ZMPSTE24: variants seen among roughly 807,000 people sequenced by gnomAD.
ZMPSTE24 encodes the protein zinc metallopeptidase STE24, also known as CAAX prenyl protease 1 homolog.
ZMPSTE24 carries 48 observed loss-of-function variants against 56.7 expected under a neutral mutation model. That is an observed-to-expected ratio of 0.85 (90% CI 0.67 to 1.08). The LOEUF (loss-of-function observed/expected upper bound fraction) is 1.08, where lower values mean the gene tolerates loss of function less well. ZMPSTE24 is among the 50% of genes least tolerant of loss of function. ZMPSTE24 has a pLI of 0.00. For missense variants in ZMPSTE24, 503 were observed against 548.7 expected, an observed-to-expected ratio of 0.92 and a Z score of 0.83; for synonymous variants, 172 against 195.2, an observed-to-expected ratio of 0.88 and a Z score of 0.99.
rs537192537 is a variant in ZMPSTE24, at chr1:40,292,429, T to C, written c.1204-16T>C. 3.1e-6 allele frequency: 5 copies of C among 1,612,322 alleles called. No homozygotes were observed. In the African/African-American group the frequency reaches 6.7e-5, roughly 21 times the overall value. On this transcript the variant is annotated splice_polypyrimidine_tract_variant and intron_variant, in intron 9 of 9. Transcript: ENST00000372759. ...GAGGTGGGCAGTGGCTAAAACCCTT[T>C]CATTTTCTTTTTCAGGTTCTTTCTT...
At chr1:40,279,554 C>T (rs908910111) in intron 6 of ZMPSTE24, among the ~76,000 whole-genome samples, 8 of 152,140 alleles carry the variant, frequency 5.3e-5, no homozygotes, top group South Asian at 2.1e-4. Context: ...GTTGTGAAAA[C>T]GTTTTCTCTT....
chr1:40,277,234 C>T (rs1240327292), intron 6 of ZMPSTE24, among the ~76,000 whole-genome samples: 8 of 151,876 alleles, frequency 5.3e-5, no homozygotes, highest in African/African-American at 7.3e-5. Flanking sequence ...TACAGGCGCC[C>T]GCCAGCACAC....
intron 9 of ZMPSTE24, 27 bp from the exon 10 acceptor site, chr1:40,292,418 C>T: frequency 6.2e-7 from 1 of 1,609,366 alleles, no homozygotes; most frequent in South Asian, 1.1e-5. Flanking sequence ...TGGGCAGTGG[C>T]TAAAACCCTT....
Position 40,260,838 on chromosome 1 carries a change from G to A in ZMPSTE24, c.124-1G>A. Reference sequence around the variant, plus strand: ...AAAGTGTTTTCTTTAAAATATTTCAGAGAAGGATATATAAAACAACAACTC... The same window carrying A: ...AAAGTGTTTTCTTTAAAATATTTCAAAGAAGGATATATAAAACAACAACTC... On this transcript the variant is annotated splice_acceptor_variant, in intron 1 of 9. Coordinates refer to ENST00000372759, the MANE Select transcript of ZMPSTE24 (RefSeq NM_005857.5). LOFTEE classifies it high-confidence loss of function. 1 of 1,613,092 alleles carries A rather than the reference G, an allele frequency of 6.2e-7. No homozygotes were observed. The highest frequency in any genetic ancestry group is 8.5e-7 in the Non-Finnish European group (1 of 1,179,314).
In ZMPSTE24 at chr1:40,267,735, G is replaced by T. The variant is rs753071041; in HGVS notation, c.271-51G>T. 2.3e-6 allele frequency: 3 copies of T among 1,331,146 alleles called. No homozygotes were observed. The African/African-American group carries it at 4.3e-5, about 19-fold the overall frequency. 82.5% of individuals were successfully genotyped at this position (1,331,146 alleles called of 1,614,324 possible). A position where few individuals can be genotyped will look rare whatever the true frequency, so the allele number is the denominator to read the frequency against. On this transcript the variant is annotated intron_variant, in intron 2 of 9. Transcript: ENST00000372759. ...TTCTTTATACCATGCTTTCTCATAT[G>T]ATAGTTTCTAGTACTGTTCAACTGT...
chr1:40,289,445 A>G (rs938741720), intron 8 of ZMPSTE24, among the ~76,000 whole-genome samples: 1 of 152,240 alleles, frequency 6.6e-6, no homozygotes, highest in African/African-American at 2.4e-5. Flanking sequence ...TGCATAGATT[A>G]TAAGTGTAGG....
At chr1:40,269,170 G>A (rs1283944655) in intron 4 of ZMPSTE24, among the ~76,000 whole-genome samples, 1 of 152,054 alleles carries the variant, frequency 6.6e-6, no homozygotes, top group Non-Finnish European at 1.5e-5. Context: ...GCTAAGGCGG[G>A]AGGATCACTT....
chr1:40,268,830 C>G (rs1643582744), intron 4 of ZMPSTE24, among the ~76,000 whole-genome samples: 1 of 151,978 alleles, frequency 6.6e-6, no homozygotes, highest in Non-Finnish European at 1.5e-5. Context: ...GTAATCCCAG[C>G]ACTTTGGGAG....
chr1:40,281,223 C>T, intron 6 of ZMPSTE24, 120 bp from the exon 7 acceptor site: 1 of 1,007,916 alleles, frequency 9.9e-7, no homozygotes, highest in Non-Finnish European at 1.5e-6. Context: ...GATTTTTCTT[C>T]ACATATTAAA....
intron 6 of ZMPSTE24, among the ~76,000 whole-genome samples, chr1:40,276,271 C>T (rs1174867400): frequency 6.6e-6 from 1 of 152,108 alleles, no homozygotes; most frequent in Non-Finnish European, 1.5e-5. Flanking sequence ...GCGAGGTCAG[C>T]GCTAAAAATA....
At chr1:40,291,863 T>TG (rs1213730153) in intron 9 of ZMPSTE24, among the ~76,000 whole-genome samples, 1 of 147,480 alleles carries the variant, frequency 6.8e-6, no homozygotes, top group African/African-American at 2.5e-5. Flanking sequence ...TTTTTTAAGA[T>TG]GGAGTCTCGC....
chr1:40,269,073 C>CAAAAAAAAAAAAA (rs60201234), intron 4 of ZMPSTE24, among the ~76,000 whole-genome samples: 24 of 46,106 alleles, frequency 5.2e-4, no homozygotes, highest in South Asian at 2.7e-3. Context: ...GACTCCGTCT[C>CAAAAAAAAAAAAA]AAAAAAAAAA....
intron 3 of ZMPSTE24, 141 bp from the exon 4 acceptor site, chr1:40,268,278 G>A (rs1643576619): frequency 1.4e-6 from 1 of 699,646 alleles, no homozygotes; most frequent in Admixed American, 2.3e-5. Context: ...TTTGAAGGCA[G>A]GGATGATATT....
At chr1:40,275,479 T>C (rs1211003920) in intron 6 of ZMPSTE24, among the ~76,000 whole-genome samples, 1 of 150,972 alleles carries the variant, frequency 6.6e-6, no homozygotes, top group African/African-American at 2.4e-5. Flanking sequence ...TGGCCAGGCG[T>C]GGTGGCTCAC....
At chr1:40,269,439 A>C (rs1454543729) in intron 4 of ZMPSTE24, among the ~76,000 whole-genome samples, 2 of 152,030 alleles carry the variant, frequency 1.3e-5, no homozygotes, top group African/African-American at 4.8e-5. Context: ...TTTAGCACTA[A>C]TATCTATTGT....
intron 6 of ZMPSTE24, among the ~76,000 whole-genome samples, chr1:40,274,135 C>T (rs1441638245): frequency 1.3e-5 from 2 of 152,118 alleles, no homozygotes; most frequent in Non-Finnish European, 2.9e-5. Context: ...GTGGCTCCAG[C>T]CTGTAATCCC....
chr1:40,268,324 G>A, intron 3 of ZMPSTE24, 95 bp from the exon 4 acceptor site: 1 of 839,178 alleles, frequency 1.2e-6, no homozygotes, highest in Non-Finnish European at 2.1e-6. Context: ...CAAGCATATT[G>A]CTTGGGATGT....
In ZMPSTE24 at chr1:40,292,810, A is replaced by T; in HGVS notation, c.*141A>T. 1 of 636,008 alleles carries T rather than the reference A, an allele frequency of 1.6e-6. No homozygotes were observed. Among genetic ancestry groups the T allele is most frequent in the South Asian group, 2.1e-5 (1 of 48,262 alleles). 39.4% of individuals were successfully genotyped at this position (636,008 alleles called of 1,614,324 possible). A position where few individuals can be genotyped will look rare whatever the true frequency, so the allele number is the denominator to read the frequency against. The stretch of plus-strand genomic sequence containing the variant: ...CAGATTTAAATACATTTAATATGTC[A>T]TTTTAAAAATGATTTTAATAATTCA... On this transcript the variant is annotated 3_prime_UTR_variant, in exon 10 of 10. Transcript: ENST00000372759.
chr1:40,273,065 TAC>T (rs1569634981), intron 6 of ZMPSTE24, among the ~76,000 whole-genome samples: 1 of 152,232 alleles, frequency 6.6e-6, no homozygotes, highest in East Asian at 1.9e-4. Flanking sequence ...GCCTGTGAGC[TAC>T]AGTTTGCTGA....
Sources: allele counts gnomAD v4.1 joint callset (sites outside exome capture counted in the v4.1 genomes callset), GRCh38; gene constraint gnomAD v4.1.1; transcripts MANE v1.5; gene names NCBI Gene and HGNC (gene_info 2026-07-23, HGNC 2026-07-21).